The following SORCS1 variants were observed in gnomAD, a reference collection of about 807,000 sequenced individuals.
SORCS1 encodes sortilin related VPS10 domain containing receptor 1.
A neutral mutation model predicts 146.1 loss-of-function variants in SORCS1; 60 were observed. The ratio of observed to expected loss-of-function variants is 0.41; its 90% CI spans 0.33 to 0.51. SORCS1 has a LOEUF of 0.51. Among genes scored for constraint, SORCS1 ranks in the 20% least tolerant of loss-of-function variants. The pLI is 0.21. For missense variants in SORCS1, 1,352 were observed against 1,487.6 expected, an observed-to-expected ratio of 0.91 and a Z score of 1.50; for synonymous variants, 637 against 584.0, an observed-to-expected ratio of 1.09 and a Z score of -1.31.
At chr10:106,920,994 T>C (rs1402969783) in intron 2 of SORCS1, among the ~76,000 whole-genome samples, 1 of 152,036 alleles carries the variant, frequency 6.6e-6, no homozygotes, top group Non-Finnish European at 1.5e-5. Context: ...GGGAAAACAC[T>C]CCCATTTTTC....
intron 5 of SORCS1, among the ~76,000 whole-genome samples, chr10:106,734,488 C>A (rs111452370): frequency 1.3e-3 from 205 of 152,304 alleles, no homozygotes; most frequent in African/African-American, 4.3e-3. Context: ...CCTTTATTGA[C>A]AGACAGACTC....
At chr10:106,765,897 G>A (rs915296335) in intron 4 of SORCS1, among the ~76,000 whole-genome samples, 4 of 152,086 alleles carry the variant, frequency 2.6e-5, no homozygotes, top group African/African-American at 9.7e-5. Context: ...TGTTAGACAG[G>A]TGCACGTGAT....
intron 19 of SORCS1, among the ~76,000 whole-genome samples, chr10:106,627,556 T>C (rs574212072): frequency 1.2e-4 from 19 of 152,340 alleles, no homozygotes; most frequent in African/African-American, 4.3e-4. Context: ...TATGATACCA[T>C]TGCTATCATT....
At chr10:106,850,865 C>T (rs998908283) in intron 2 of SORCS1, among the ~76,000 whole-genome samples, 1 of 152,184 alleles carries the variant, frequency 6.6e-6, no homozygotes, top group African/African-American at 2.4e-5. Context: ...CACACACACG[C>T]CCTACGGCCC....
chr10:106,708,663 G>T (rs572408109), intron 7 of SORCS1, among the ~76,000 whole-genome samples: 6 of 152,104 alleles, frequency 3.9e-5, no homozygotes, highest in Non-Finnish European at 8.8e-5. Context: ...GAATACATCT[G>T]CTCTGAAGTG....
chr10:106,900,151 A>G (rs913810175), intron 2 of SORCS1, among the ~76,000 whole-genome samples: 2 of 152,060 alleles, frequency 1.3e-5, no homozygotes, highest in African/African-American at 2.4e-5. Flanking sequence ...ATGAATTTTC[A>G]TTACATCCTG....
At chr10:106,891,504 C>CGTTTTTTTTTTT (rs1951230796) in intron 2 of SORCS1, among the ~76,000 whole-genome samples, 1 of 97,260 alleles carries the variant, frequency 1.0e-5, no homozygotes, top group Non-Finnish European at 2.3e-5. Context: ...AATGGGAATT[C>CGTTTTTTTTTTT]TTTTTTTTTT....
chr10:106,905,011 C>A (rs1182795739), intron 2 of SORCS1, among the ~76,000 whole-genome samples: 1 of 152,126 alleles, frequency 6.6e-6, no homozygotes, highest in Admixed American at 6.5e-5. Context: ...CACAACTCTA[C>A]TGTGTAGATG....
intron 6 of SORCS1, among the ~76,000 whole-genome samples, chr10:106,725,440 A>T (rs1250570867): frequency 3.3e-5 from 5 of 151,618 alleles, no homozygotes; most frequent in Non-Finnish European, 4.4e-5. Flanking sequence ...AATCCCAGCT[A>T]CTCAGGAGGC....
chr10:106,609,698 A>G (rs547721780), intron 22 of SORCS1, among the ~76,000 whole-genome samples: 6 of 152,356 alleles, frequency 3.9e-5, no homozygotes. Flanking sequence ...TTTATTCTGC[A>G]TATTCCTGAT....
intron 6 of SORCS1, among the ~76,000 whole-genome samples, chr10:106,720,987 C>T (rs1855741352): frequency 6.6e-6 from 1 of 151,582 alleles, no homozygotes; most frequent in Non-Finnish European, 1.5e-5. Flanking sequence ...CTTCAGGCTA[C>T]TAAATCAGAG....
chr10:106,694,153 A>G (rs957197236), intron 9 of SORCS1, among the ~76,000 whole-genome samples: 1 of 152,202 alleles, frequency 6.6e-6, no homozygotes, highest in African/African-American at 2.4e-5. Flanking sequence ...CTGGCCAAGA[A>G]AAACCTAAAT....
chr10:106,583,778 G>C (rs1329945762), intron 24 of SORCS1, among the ~76,000 whole-genome samples: 4 of 151,918 alleles, frequency 2.6e-5, no homozygotes, highest in African/African-American at 7.3e-5. Context: ...CAAAGTGCTG[G>C]GATTACAGGT....
chr10:107,136,433 T>G (rs555265858), intron 1 of SORCS1, among the ~76,000 whole-genome samples: 8 of 152,136 alleles, frequency 5.3e-5, no homozygotes, highest in Non-Finnish European at 7.4e-5. Context: ...CATGTTCAGA[T>G]TGCATAGCCA....
intron 6 of SORCS1, among the ~76,000 whole-genome samples, chr10:106,714,495 G>C (rs906133963): frequency 6.6e-6 from 1 of 151,914 alleles, no homozygotes; most frequent in Admixed American, 6.6e-5. Flanking sequence ...GAGGAAGCTG[G>C]GTATAAAGTA....
intron 2 of SORCS1, among the ~76,000 whole-genome samples, chr10:106,890,120 C>T (rs983485868): frequency 6.6e-6 from 1 of 152,046 alleles, no homozygotes; most frequent in African/African-American, 2.4e-5. Context: ...CAGAAGTCTG[C>T]ATTTTAAATA....
In SORCS1 at chr10:106,667,779, C is replaced by T. The variant is rs769853476; in HGVS notation, c.2213G>A (p.Ser738Asn). 46 of 1,613,836 alleles carry T rather than the reference C, an allele frequency of 2.9e-5. No individual in the cohort carries two copies. In the Admixed American group the frequency reaches 7.3e-4, roughly 26 times the overall value. The change falls in exon 17 of 26, where the codon AGC (serine) becomes AAC (asparagine). Residue 738 changes from serine (S) to asparagine (N), a missense_variant. Physicochemically the swap from Ser to Asn is conservative, Grantham distance 46 (BLOSUM62 1). Transcript: ENST00000263054. The part of the protein sequence containing the change: ...FDCDYGYERH[S>N]NGQCLPAFWF... ...AAATGCCGGCAGGCACTGGCCATTG[C>T]TGTGTCGCTCATAACCATAGTCGCT...
intron 2 of SORCS1, among the ~76,000 whole-genome samples, chr10:106,933,032 C>A (rs1953497459): frequency 6.6e-6 from 1 of 152,182 alleles, no homozygotes; most frequent in Non-Finnish European, 1.5e-5. Flanking sequence ...ACCTGGACAG[C>A]ACGATCGTGT....
chr10:106,992,989 G>A (rs1266879147), intron 1 of SORCS1, among the ~76,000 whole-genome samples: 5 of 151,450 alleles, frequency 3.3e-5, no homozygotes, highest in Non-Finnish European at 7.4e-5. Context: ...GCACCACCAC[G>A]TCCAGCTAAT....
Sources: gnomAD v4.1 joint callset for allele counts (sites outside exome capture counted in the v4.1 genomes callset) on GRCh38, gnomAD v4.1.1 for gene constraint, MANE v1.5 for transcripts, NCBI Gene and HGNC (gene_info 2026-07-23, HGNC 2026-07-21) for gene names.